Variants in MYT1L observed in about 807,000 individuals in gnomAD.
MYT1L encodes myelin transcription factor 1-like protein.
MYT1L carries 12 observed loss-of-function variants against 126.7 expected under a neutral mutation model. The observed-to-expected ratio is 0.09, with a 90% CI of 0.06 to 0.15. The LOEUF (loss-of-function observed/expected upper bound fraction) is 0.15. Among genes scored for constraint, MYT1L ranks in the 10% least tolerant of loss-of-function variants. MYT1L has a pLI of 1.00. For missense variants in MYT1L, 979 were observed against 1,585.2 expected (o/e 0.62, Z 6.49); for synonymous variants, 541 against 604.2 (o/e 0.90, Z 1.53).
chr2:2,324,221 C>T (rs529448886), intron 1 of MYT1L: 1 of 152,288 alleles, frequency 6.6e-6, no homozygotes, highest in Admixed American at 6.5e-5. Flanking sequence ...CAAAGTCGTC[C>T]CAATGAATTA....
chr2:2,204,331 A>G (rs1241726498), intron 2 of MYT1L, among the ~76,000 whole-genome samples: 2 of 151,864 alleles, frequency 1.3e-5, no homozygotes, highest in Non-Finnish European at 2.9e-5. Context: ...GGCAACCTAC[A>G]GAATGGGAGA....
In MYT1L at chr2:2,242,327, ATAT is replaced by A. The variant is rs1414587923; in HGVS notation, c.-421+42074_-421+42076del. ...GAAAACAAACATGTGACTTGATCCAATATTATTAACAGAGTGATGGTTAACAAC... is the reference window on the plus strand; with the variant it reads ...GAAAACAAACATGTGACTTGATCCAATATTAACAGAGTGATGGTTAACAAC... On this transcript the variant is annotated intron_variant, in intron 2 of 24. Transcript: ENST00000647738. Among the ~76,000 whole-genome samples the A allele has an allele frequency of 3.9e-5, 6 of 152,366 alleles. No homozygotes were observed. The South Asian group carries it at 1.2e-3, about 32-fold the overall frequency.
chr2:1,874,584 G>C (rs986010445), intron 18 of MYT1L, among the ~76,000 whole-genome samples: 1 of 152,210 alleles, frequency 6.6e-6, no homozygotes, highest in African/African-American at 2.4e-5. Flanking sequence ...CTGTGGTCCA[G>C]CGGCTGGGCC....
At chr2:2,147,075 C>A (rs1000981161) in intron 3 of MYT1L, among the ~76,000 whole-genome samples, 8 of 152,316 alleles carry the variant, frequency 5.3e-5, no homozygotes, top group Middle Eastern at 3.4e-3. Flanking sequence ...AAAAGCCATG[C>A]AAAGCTGCAG....
At position 2,322,474 on chromosome 2, in the gene MYT1L, T is replaced by C. The variant is rs143925348; in HGVS notation, c.-521+8493A>G. On this transcript the variant is annotated intron_variant, in intron 1 of 24. Coordinates refer to ENST00000647738, the MANE Select transcript of MYT1L (RefSeq NM_001303052.2). ...CAGGTGCACATCACCCTGTTTCCAG[T>C]CCTGGGACCTTTCATTGTCTTTGCC... Among the ~76,000 whole-genome samples, 999 of 152,182 alleles carry C rather than the reference T, an allele frequency of 6.6e-3. 5 individuals carry two copies. Among genetic ancestry groups the C allele is most frequent in the Non-Finnish European group, 9.9e-3 (673 of 68,000 alleles).
chr2:1,983,439 C>A (rs1290827302), intron 5 of MYT1L, among the ~76,000 whole-genome samples: 4 of 152,204 alleles, frequency 2.6e-5, no homozygotes, highest in Non-Finnish European at 5.9e-5. Flanking sequence ...GTGCCAATTG[C>A]CAGAAAGATT....
chr2:2,318,714 G>A lies in MYT1L; in HGVS notation c.-521+12253C>T, dbSNP rs551550773. ...AAATGTGCCACATTAAACAAAGGAC[G>A]AGTAAGAAATTGATCTGAAATTTAT... On this transcript the variant is annotated intron_variant, in intron 1 of 24. Transcript: ENST00000647738. Among the ~76,000 whole-genome samples the A allele has an allele frequency of 4.6e-5, 7 of 152,274 alleles. No homozygotes were observed. In the South Asian group the frequency reaches 1.2e-3, roughly 27 times the overall value.
intron 3 of MYT1L, among the ~76,000 whole-genome samples, chr2:2,126,031 G>A (rs995056977): frequency 2.0e-5 from 3 of 152,142 alleles, no homozygotes; most frequent in South Asian, 2.1e-4. Context: ...CATTCCCCTC[G>A]TGGGCCATGG....
chr2:1,970,233 G>A (rs1035242754), intron 8 of MYT1L, among the ~76,000 whole-genome samples: 11 of 152,192 alleles, frequency 7.2e-5, no homozygotes, highest in Admixed American at 2.0e-4. Context: ...GTGCCTGTGA[G>A]TGACACTGGT....
At chr2:2,206,708 T>A (rs1420299914) in intron 2 of MYT1L, among the ~76,000 whole-genome samples, 1 of 152,228 alleles carries the variant, frequency 6.6e-6, no homozygotes, top group Non-Finnish European at 1.5e-5. Context: ...GTGAAAGTCA[T>A]CCTCCATAAA....
At chr2:1,946,142 G>C (rs546798225) in intron 8 of MYT1L, among the ~76,000 whole-genome samples, 2 of 152,140 alleles carry the variant, frequency 1.3e-5, no homozygotes, top group Non-Finnish European at 2.9e-5. Flanking sequence ...TGAGAACTGA[G>C]AACTGTGTAT....
rs182532378 is a variant in MYT1L, at chr2:2,025,425, A to G, written c.-157-28078T>C. ...CTGTGTTTATCTTGTCTGGTATTTC[A>G]CACCAAACAGCAGCAAATGATACTT... is the stretch of plus-strand genomic sequence containing the variant. On this transcript the variant is annotated intron_variant, in intron 4 of 24. Coordinates refer to ENST00000647738, the MANE Select transcript of MYT1L (RefSeq NM_001303052.2). 3.9e-4 allele frequency among the ~76,000 whole-genome samples: 59 copies of G among 152,296 alleles called. 1 individual carries two copies. The East Asian group carries it at 0.011, about 29-fold the overall frequency.
At chr2:2,085,428 C>T (rs72767367) in intron 3 of MYT1L, among the ~76,000 whole-genome samples, 6,438 of 152,182 alleles carry the variant, frequency 0.042, 211 homozygotes, top group Non-Finnish European at 0.065. Context: ...TTGTTCAACT[C>T]GTAAGACTTG....
intron 18 of MYT1L, among the ~76,000 whole-genome samples, chr2:1,863,795 GA>G (rs1281638847): frequency 1.3e-5 from 2 of 152,118 alleles, no homozygotes; most frequent in Non-Finnish European, 2.9e-5. Flanking sequence ...GAAGAGGAGG[GA>G]AACAAATGAC....
chr2:2,305,418 A>T (rs1356540108), intron 1 of MYT1L, among the ~76,000 whole-genome samples: 4 of 152,242 alleles, frequency 2.6e-5, no homozygotes, highest in African/African-American at 9.6e-5. Context: ...TTTTCCCTAA[A>T]AAAGTTAACT....
chr2:1,932,674 C>A (rs2055177849), intron 9 of MYT1L, among the ~76,000 whole-genome samples: 1 of 152,112 alleles, frequency 6.6e-6, no homozygotes, highest in Non-Finnish European at 1.5e-5. Context: ...TCGGGCAAGT[C>A]CTCATTGAGA....
chr2:2,145,775 TATA>T (rs1442737453), intron 3 of MYT1L, among the ~76,000 whole-genome samples: 1 of 152,322 alleles, frequency 6.6e-6, no homozygotes, highest in East Asian at 1.9e-4. Context: ...TAGAGTTTAA[TATA>T]ATGTTTTGAC....
chr2:2,147,032 G>A (rs1294219652), intron 3 of MYT1L, among the ~76,000 whole-genome samples: 3 of 152,214 alleles, frequency 2.0e-5, no homozygotes, highest in Non-Finnish European at 2.9e-5. Flanking sequence ...ACAAGACTCA[G>A]TGACAATTGG....
chr2:1,840,185 A>G (rs907228573), intron 20 of MYT1L, among the ~76,000 whole-genome samples: 4 of 152,120 alleles, frequency 2.6e-5, no homozygotes, highest in African/African-American at 9.7e-5. Flanking sequence ...GTTTTAATTA[A>G]AACTTTTTTC....
Sources: allele counts gnomAD v4.1 joint callset (sites outside exome capture counted in the v4.1 genomes callset), GRCh38; gene constraint gnomAD v4.1.1; transcripts MANE v1.5; gene names NCBI Gene and HGNC (gene_info 2026-07-23, HGNC 2026-07-21).